Variants in USP24 observed in about 807,000 individuals in gnomAD.
The protein encoded by USP24 is ubiquitin carboxyl-terminal hydrolase 24.
In USP24, 97 loss-of-function variants were observed where a neutral mutation model predicts 361.6. The ratio of observed to expected loss-of-function variants is 0.27; its 90% confidence interval spans 0.23 to 0.32. The LOEUF is 0.32. Among genes scored for constraint, USP24 ranks in the 10% least tolerant of loss-of-function variants. USP24 has a pLI of 1.00. For synonymous variants in USP24, 1,098 were observed against 1,124.6 expected (o/e 0.98, Z 0.47); for missense variants, 2,353 against 3,165.6 (o/e 0.74, Z 6.16).
chr1:55,110,092 T>C, intron 39 of USP24, 93 bp downstream of exon 39: 1 of 1,063,804 alleles, frequency 9.4e-7, no homozygotes, highest in Non-Finnish European at 1.3e-6. Context: ...TATTTACACC[T>C]GAGATATGTA....
chr1:55,146,229 A>C, intron 19 of USP24, 120 bp from the exon 20 acceptor site: 1 of 576,144 alleles, frequency 1.7e-6, no homozygotes, highest in Non-Finnish European at 2.9e-6. Context: ...TCAAAATACC[A>C]CTCAAAGCTA....
chr1:55,075,561 A>T, intron 62 of USP24, 38 bp from the exon 63 acceptor site: 2 of 1,530,654 alleles, frequency 1.3e-6, no homozygotes, highest in African/African-American at 2.7e-5. Flanking sequence ...AAATAAAAGA[A>T]GGAACTTGTC....
rs764632901 is a variant in USP24 at position 55,162,207 on chromosome 1, C to T, written c.985G>A (p.Val329Met). 6.9e-6 allele frequency: 11 copies of T among 1,593,762 alleles called. No homozygotes were observed. The South Asian group carries it at 6.9e-5, about 10-fold the overall frequency. Residue 329 changes from valine (V) to methionine (M), a missense_variant, in exon 8 of 68, where the codon GTG becomes ATG. Physicochemically the swap from Val to Met is conservative, Grantham distance 21. Transcript: ENST00000294383. ...GVCAEYLNSS[V>M]VQPMLDPVIL... ...AAATGGTTTAATCCTACCTGTACCA[C>T]GGAGGAATTGAGGTACTCTGCACAC...
rs190685092 is a variant in USP24, at chr1:55,121,580, C to G, written c.4277-74G>C. 1.6e-5 allele frequency: 20 copies of G among 1,286,972 alleles called. No homozygotes were observed. The Admixed American group carries it at 3.5e-4, about 23-fold the overall frequency. 79.7% of individuals were successfully genotyped at this position (1,286,972 alleles called of 1,614,324 possible). On this transcript the variant is annotated intron_variant, in intron 36 of 67. Coordinates refer to ENST00000294383, the MANE Select transcript of USP24 (RefSeq NM_015306.3). ...TGCATTTTCAAATTTTGATTAATTT[C>G]TTAAGCTCAACTTAAGCATAAGCTC...
intron 58 of USP24, among the ~76,000 whole-genome samples, chr1:55,082,545 G>A (rs920593659): frequency 6.6e-6 from 1 of 152,166 alleles, no homozygotes; most frequent in Non-Finnish European, 1.5e-5. Context: ...AAACAACCTC[G>A]GTAAGCCGAG....
intron 4 of USP24, 26 bp from the exon 5 acceptor site, chr1:55,171,704 A>C: frequency 6.3e-7 from 1 of 1,584,888 alleles, no homozygotes. Flanking sequence ...ACAGAGAAAC[A>C]TTATTATCTA....
chr1:55,139,584 C>T (rs1159222938), intron 24 of USP24, among the ~76,000 whole-genome samples: 1 of 152,054 alleles, frequency 6.6e-6, no homozygotes, highest in East Asian at 1.9e-4. Flanking sequence ...TAGTCATAGC[C>T]CCATACTTTA....
At chr1:55,133,209 A>C (rs892977254) in intron 30 of USP24, among the ~76,000 whole-genome samples, 2 of 152,224 alleles carry the variant, frequency 1.3e-5, no homozygotes, top group Admixed American at 1.3e-4. Context: ...TTCTACATCA[A>C]TTTATTCTGA....
Position 55,123,432 on chromosome 1 carries a change from A to G in USP24, c.4276+15T>C. 6.4e-7 allele frequency: 1 copy of G among 1,556,426 alleles called. No individual in the cohort carries two copies. The highest frequency in any genetic ancestry group is 8.7e-7 in the Non-Finnish European group (1 of 1,150,238). On this transcript the variant is annotated intron_variant, in intron 36 of 67. Transcript: ENST00000294383. ...TCCCTGAAAGAGATTAATCACAAAC[A>G]AGCCTCCAGCATACCCAGTTGCTGG...
At chr1:55,111,382 C>A (rs994274993) in intron 38 of USP24, among the ~76,000 whole-genome samples, 10 of 152,040 alleles carry the variant, frequency 6.6e-5, no homozygotes, top group African/African-American at 2.4e-4. Flanking sequence ...CTTAGAGGAA[C>A]TTAATATTAA....
chr1:55,166,709 G>T (rs1281650194), intron 5 of USP24, 106 bp from the exon 6 acceptor site: 1 of 1,130,008 alleles, frequency 8.8e-7, no homozygotes, highest in East Asian at 2.7e-5. Flanking sequence ...AATTATAAAA[G>T]TTTGGAAACT....
Position 55,089,744 on chromosome 1 carries a change from TAA to T in USP24, c.6555-6_6555-5del. ...AATCCATTCTTCAGTATCAACCCTT[TAA>T]AAAAAAGCAGATACAGCAATGTTAG... On this transcript the variant is annotated splice_polypyrimidine_tract_variant and splice_region_variant and intron_variant, in intron 54 of 67. Transcript: ENST00000294383. 6.4e-7 allele frequency: 1 copy of T among 1,571,208 alleles called. No homozygotes were observed. Among genetic ancestry groups the T allele is most frequent in the South Asian group, 1.2e-5 (1 of 84,434 alleles).
chr1:55,189,389 T>C (rs1644227432), intron 1 of USP24, among the ~76,000 whole-genome samples: 1 of 152,156 alleles, frequency 6.6e-6, no homozygotes, highest in South Asian at 2.1e-4. Flanking sequence ...ACATAGTGAG[T>C]TGAATGAATT....
At chr1:55,075,375 A>G in intron 63 of USP24, 82 bp downstream of exon 63, 1 of 1,309,902 alleles carries the variant, frequency 7.6e-7, no homozygotes, top group African/African-American at 1.5e-5. Flanking sequence ...CACCGAGAGT[A>G]GCAGGAGGCA....
intron 1 of USP24, among the ~76,000 whole-genome samples, chr1:55,181,962 T>C (rs1569629372): frequency 6.6e-6 from 1 of 152,194 alleles, no homozygotes; most frequent in Non-Finnish European, 1.5e-5. Flanking sequence ...TCCCTGTTTG[T>C]CAGTGCACAG....
intron 56 of USP24, among the ~76,000 whole-genome samples, chr1:55,085,457 G>A (rs1372192535): frequency 6.6e-6 from 1 of 152,228 alleles, no homozygotes; most frequent in Non-Finnish European, 1.5e-5. Context: ...GTTTGAAACA[G>A]CAATCTTGGG....
chr1:55,091,038 T>A (rs895050492), intron 54 of USP24, among the ~76,000 whole-genome samples: 48 of 152,080 alleles, frequency 3.2e-4, no homozygotes, highest in Admixed American at 3.1e-3. Context: ...GAGCCAAGAC[T>A]GCACCACTGC....
intron 44 of USP24, 81 bp from the exon 45 acceptor site, chr1:55,099,950 T>A: frequency 1.0e-6 from 1 of 975,238 alleles, no homozygotes; most frequent in Non-Finnish European, 1.5e-6. Flanking sequence ...AAAGAGCACT[T>A]AAATGCTTAT....
chr1:55,091,008 C>T (rs371669097), intron 54 of USP24, among the ~76,000 whole-genome samples: 61 of 152,214 alleles, frequency 4.0e-4, no homozygotes, highest in South Asian at 8.3e-4. Flanking sequence ...CGCTTGAACC[C>T]GGGACACAGA....
Sources: gnomAD v4.1 joint callset for allele counts (sites outside exome capture counted in the v4.1 genomes callset) on GRCh38, gnomAD v4.1.1 for gene constraint, MANE v1.5 for transcripts, NCBI Gene and HGNC (gene_info 2026-07-23, HGNC 2026-07-21) for gene names.